The following GRM5 variants were observed in gnomAD, a reference collection of about 807,000 sequenced individuals.
GRM5 encodes glutamate metabotropic receptor 5.
In GRM5, 19 loss-of-function variants were observed where a neutral mutation model predicts 83.1. That is an observed-to-expected ratio of 0.23 (90% CI 0.16 to 0.34). The LOEUF is 0.34. GRM5 is among the 10% of genes least tolerant of loss of function. The probability of loss-of-function intolerance (pLI) is 1.00; values close to 1 mark genes in which losing one functional copy is unlikely to be tolerated. For synonymous variants in GRM5, 675 were observed against 633.6 expected (o/e 1.07, Z -0.98); for missense variants, 1,160 against 1,588.3 (o/e 0.73, Z 4.58).
At chr11:88,653,136 T>C (rs777223200) in intron 4 of GRM5, 32 bp downstream of exon 4, 9 of 1,293,728 alleles carry the variant, frequency 7.0e-6, no homozygotes, top group Admixed American at 1.7e-5. Flanking sequence ...CTTAGCCTTA[T>C]GCATTTTAAA....
chr11:88,756,448 C>A (rs1942395613), intron 3 of GRM5, among the ~76,000 whole-genome samples: 1 of 151,932 alleles, frequency 6.6e-6, no homozygotes, highest in Non-Finnish European at 1.5e-5. Context: ...ATTCACATGG[C>A]ATTTGTAGTT....
chr11:88,514,672 G>GA lies in GRM5; in HGVS notation c.2727-5169dup, dbSNP rs200925984. Among the ~76,000 whole-genome samples, 1,178 of 150,078 alleles carry GA rather than the reference G, an allele frequency of 7.8e-3. 20 individuals carry two copies. Among genetic ancestry groups the GA allele is most frequent in the African/African-American group, 0.027 (1,111 of 41,004 alleles). Reference sequence around the variant, plus strand: ...ATGTACTGACATGAAAACTACTGTGGAAAAAAAAAGACTTTGGGTTTTTCT... The same window carrying GA: ...ATGTACTGACATGAAAACTACTGTGGAAAAAAAAAAGACTTTGGGTTTTTCT... On this transcript the variant is annotated intron_variant, in intron 9 of 9. Coordinates refer to ENST00000305447, the MANE Select transcript of GRM5 (RefSeq NM_001143831.3).
chr11:89,023,611 T>C (rs4497414), intron 2 of GRM5, among the ~76,000 whole-genome samples: 70,636 of 151,420 alleles, frequency 0.47, 16,759 homozygotes, highest in African/African-American at 0.53. Flanking sequence ...TTTGGGAGGC[T>C]GAGGCAGGTG....
Position 88,941,164 on chromosome 11 carries a change from T to C in GRM5, c.662-91009A>G, listed in dbSNP as rs1268037820. Among the ~76,000 whole-genome samples, 3 of 151,540 alleles carry C rather than the reference T, an allele frequency of 2.0e-5. No individual in the cohort carries two copies. In the Admixed American group the frequency reaches 2.0e-4, roughly 10 times the overall value. Reference sequence around the variant, plus strand: ...ATTGCTTATTTCATACTGAGGCAAATAAAAGTACAAGGTGAGCCTGAAGCA... The same window carrying C: ...ATTGCTTATTTCATACTGAGGCAAACAAAAGTACAAGGTGAGCCTGAAGCA... On this transcript the variant is annotated intron_variant, in intron 2 of 9. Transcript: ENST00000305447.
At chr11:88,795,868 G>A (rs1943265766) in intron 3 of GRM5, among the ~76,000 whole-genome samples, 1 of 152,164 alleles carries the variant, frequency 6.6e-6, no homozygotes, top group African/African-American at 2.4e-5. Context: ...TCCCTATTGT[G>A]TAGGAGAGCC....
intron 2 of GRM5, among the ~76,000 whole-genome samples, chr11:88,995,662 G>T (rs768452420): frequency 6.6e-6 from 1 of 151,818 alleles, no homozygotes; most frequent in Admixed American, 6.6e-5. Flanking sequence ...AGATTCTCTG[G>T]ACTTGACAAC....
intron 3 of GRM5, among the ~76,000 whole-genome samples, chr11:88,826,382 A>T (rs922746758): frequency 2.6e-5 from 4 of 151,848 alleles, no homozygotes; most frequent in Non-Finnish European, 5.9e-5. Flanking sequence ...ATGAAAAATA[A>T]TTTTTAAAAT....
rs899799868 is a variant in GRM5, at chr11:88,944,190, G to A, written c.662-94035C>T. ...GAATAAATGATGTAGACGCAAACAG[G>A]CTAAACTTGAAGCCAGAAAAATAGA... is the stretch of plus-strand genomic sequence containing the variant. On this transcript the variant is annotated intron_variant, in intron 2 of 9. Coordinates refer to ENST00000305447, the MANE Select transcript of GRM5 (RefSeq NM_001143831.3). Among the ~76,000 whole-genome samples, 4 of 151,876 alleles carry A rather than the reference G, an allele frequency of 2.6e-5. No homozygotes were observed. The Admixed American group carries it at 2.6e-4, about 10-fold the overall frequency.
intron 3 of GRM5, among the ~76,000 whole-genome samples, chr11:88,786,490 A>G (rs969970980): frequency 2.6e-5 from 4 of 151,970 alleles, no homozygotes; most frequent in African/African-American, 9.7e-5. Flanking sequence ...TAGCTTTTTG[A>G]ACTCATCTCT....
chr11:88,672,468 C>A (rs1031023979), intron 3 of GRM5, among the ~76,000 whole-genome samples: 8 of 151,794 alleles, frequency 5.3e-5, no homozygotes, highest in Non-Finnish European at 1.2e-4. Flanking sequence ...ATAACAAAGA[C>A]CTATACAAAA....
At chr11:88,864,215 G>T (rs1944618590) in intron 2 of GRM5, among the ~76,000 whole-genome samples, 1 of 150,632 alleles carries the variant, frequency 6.6e-6, no homozygotes, top group Admixed American at 6.7e-5. Context: ...AGTAGGCTAA[G>T]ATTACAAGGG....
At chr11:88,802,926 T>C (rs998898310) in intron 3 of GRM5, among the ~76,000 whole-genome samples, 10 of 150,714 alleles carry the variant, frequency 6.6e-5, no homozygotes, top group East Asian at 3.9e-4. Context: ...GAGTGAACTC[T>C]CATTCACAAT....
chr11:88,890,891 A>G (rs1945133969), intron 2 of GRM5, among the ~76,000 whole-genome samples: 1 of 152,146 alleles, frequency 6.6e-6, no homozygotes, highest in African/African-American at 2.4e-5. Context: ...TTTAAAGGCA[A>G]GGTGTATAAA....
intron 2 of GRM5, among the ~76,000 whole-genome samples, chr11:89,010,926 A>T (rs1222323308): frequency 6.6e-6 from 1 of 152,238 alleles, no homozygotes; most frequent in Non-Finnish European, 1.5e-5. Flanking sequence ...GGTCTGAGGC[A>T]TCCTGATGGA....
chr11:88,821,421 C>A (rs571178735), intron 3 of GRM5, among the ~76,000 whole-genome samples: 43 of 150,614 alleles, frequency 2.9e-4, no homozygotes, highest in African/African-American at 9.3e-4. Context: ...GGTCATAGTT[C>A]CAAAATATTT....
At chr11:88,647,162 A>G (rs1475052645) in intron 4 of GRM5, among the ~76,000 whole-genome samples, 1 of 151,846 alleles carries the variant, frequency 6.6e-6, no homozygotes, top group Non-Finnish European at 1.5e-5. Flanking sequence ...CCCTCTTTTT[A>G]TAAAGACATC....
intron 3 of GRM5, among the ~76,000 whole-genome samples, chr11:88,664,331 C>T (rs200452378): frequency 0.34 from 23,492 of 68,958 alleles, 1,912 homozygotes; most frequent in Non-Finnish European, 0.49. Context: ...TTAAAAAAAA[C>T]TGGAAAAAAA....
chr11:88,517,671 T>C (rs962528174), intron 9 of GRM5, among the ~76,000 whole-genome samples: 3 of 152,122 alleles, frequency 2.0e-5, no homozygotes, highest in Non-Finnish European at 4.4e-5. Flanking sequence ...AAGTAGAAAG[T>C]ATTCCTTAAA....
chr11:88,539,316 A>G (rs1464190866), intron 8 of GRM5, among the ~76,000 whole-genome samples: 1 of 152,198 alleles, frequency 6.6e-6, no homozygotes, highest in East Asian at 1.9e-4. Context: ...AGGTCTCACA[A>G]AGCCTGGATC....
Sources: allele counts gnomAD v4.1 joint callset (sites outside exome capture counted in the v4.1 genomes callset), GRCh38; gene constraint gnomAD v4.1.1; transcripts MANE v1.5; gene names NCBI Gene and HGNC (gene_info 2026-07-23, HGNC 2026-07-21).